The following PDE4D variants were observed in gnomAD, a reference collection of about 807,000 sequenced individuals.
PDE4D encodes phosphodiesterase 4D.
In PDE4D, 24 loss-of-function variants were observed where a neutral mutation model predicts 87.4. The observed-to-expected ratio is 0.27, with a 90% CI of 0.20 to 0.39. The LOEUF (loss-of-function observed/expected upper bound fraction) is 0.39. PDE4D is among the 10% of genes least tolerant of loss of function. The pLI is 1.00. For missense variants in PDE4D, 714 were observed against 1,041.0 expected (o/e 0.69, Z 4.32); for synonymous variants, 384 against 383.2 (o/e 1.00, Z -0.02).
intron 2 of PDE4D, among the ~76,000 whole-genome samples, chr5:60,050,216 C>T (rs1026578057): frequency 3.3e-5 from 5 of 152,186 alleles, no homozygotes; most frequent in Non-Finnish European, 7.3e-5. Flanking sequence ...CCTCACCCTG[C>T]TTCGGCTCGC....
At chr5:60,049,835 C>A (rs1332549466) in intron 2 of PDE4D, among the ~76,000 whole-genome samples, 1 of 152,176 alleles carries the variant, frequency 6.6e-6, no homozygotes, top group Non-Finnish European at 1.5e-5. Context: ...CTGTGCCCTG[C>A]CCCCAGAGGT....
chr5:60,072,060 G>A (rs1475425042), intron 2 of PDE4D, among the ~76,000 whole-genome samples: 1 of 152,128 alleles, frequency 6.6e-6, no homozygotes, highest in Non-Finnish European at 1.5e-5. Context: ...TGGGTTGAAA[G>A]GTAGTTCTGT....
At chr5:59,217,178 T>G (rs1751442807) in intron 1 of PDE4D, 5 of 455,462 alleles carry the variant, frequency 1.1e-5, no homozygotes, top group Non-Finnish European at 2.2e-5. Context: ...AGTATTAAAA[T>G]AAAGTCAACT....
intron 3 of PDE4D, among the ~76,000 whole-genome samples, chr5:59,936,722 A>G (rs567936178): frequency 1.3e-5 from 2 of 152,342 alleles, no homozygotes; most frequent in East Asian, 1.9e-4. Flanking sequence ...TAAATAAATC[A>G]TGTTTAAGGG....
intron 1 of PDE4D, among the ~76,000 whole-genome samples, chr5:59,699,453 A>G (rs1270152388): frequency 6.6e-6 from 1 of 152,196 alleles, no homozygotes; most frequent in Non-Finnish European, 1.5e-5. Flanking sequence ...TTTAAATTAT[A>G]GAATCAGCTT....
At chr5:59,996,221 G>T (rs1763515122) in intron 2 of PDE4D, among the ~76,000 whole-genome samples, 1 of 152,186 alleles carries the variant, frequency 6.6e-6, no homozygotes, top group African/African-American at 2.4e-5. Context: ...GCATTGTAAA[G>T]GTCAGCATGT....
chr5:59,900,071 C>T (rs1313240861), intron 3 of PDE4D, among the ~76,000 whole-genome samples: 2 of 151,934 alleles, frequency 1.3e-5, no homozygotes, highest in Admixed American at 1.3e-4. Flanking sequence ...GAAACCCTGT[C>T]TCTACTAAAA....
chr5:59,724,476 A>T (rs1259194178), intron 1 of PDE4D, among the ~76,000 whole-genome samples: 3 of 152,068 alleles, frequency 2.0e-5, no homozygotes, highest in African/African-American at 7.2e-5. Flanking sequence ...GGCATAGCAC[A>T]TGATAGGTAG....
chr5:59,663,474 G>C (rs925956970), intron 1 of PDE4D, among the ~76,000 whole-genome samples: 1 of 151,956 alleles, frequency 6.6e-6, no homozygotes, highest in African/African-American at 2.4e-5. Context: ...CCCAGCCTCT[G>C]TTGATATTTT....
chr5:59,174,010 C>T (rs1323935249), intron 5 of PDE4D, among the ~76,000 whole-genome samples: 1 of 152,142 alleles, frequency 6.6e-6, no homozygotes, highest in Non-Finnish European at 1.5e-5. Flanking sequence ...AGCCAGCATC[C>T]TTATTGTCAC....
chr5:59,548,131 T>C (rs1817575134), intron 1 of PDE4D, among the ~76,000 whole-genome samples: 1 of 152,176 alleles, frequency 6.6e-6, no homozygotes, highest in Admixed American at 6.6e-5. Context: ...AGCTGTATCC[T>C]TTGAATTTTT....
At chr5:60,407,081 T>A (rs895252709) in intron 1 of PDE4D, among the ~76,000 whole-genome samples, 1 of 152,072 alleles carries the variant, frequency 6.6e-6, no homozygotes. Flanking sequence ...CCAAGCAAGA[T>A]GAGCTGGAGG....
chr5:60,295,168 T>G (rs1753265201), intron 1 of PDE4D, among the ~76,000 whole-genome samples: 1 of 152,216 alleles, frequency 6.6e-6, no homozygotes, highest in East Asian at 1.9e-4. Context: ...GTCCATTGTA[T>G]TTATAAACAT....
intron 1 of PDE4D, among the ~76,000 whole-genome samples, chr5:60,205,834 C>T (rs1457275826): frequency 3.9e-5 from 6 of 152,010 alleles, no homozygotes; most frequent in South Asian, 2.1e-4. Context: ...TTGCAGTGAG[C>T]GGAGATCACC....
chr5:60,091,944 G>A (rs1463903133), intron 2 of PDE4D, among the ~76,000 whole-genome samples: 5 of 150,632 alleles, frequency 3.3e-5, no homozygotes, highest in African/African-American at 7.3e-5. Context: ...CCAGCTACTC[G>A]GGAGGCTGAG....
At chr5:59,645,290 C>T (rs1299786717) in intron 1 of PDE4D, among the ~76,000 whole-genome samples, 1 of 152,170 alleles carries the variant, frequency 6.6e-6, no homozygotes, top group Non-Finnish European at 1.5e-5. Context: ...CAAGCTCCTT[C>T]CTAAGGCACT....
chr5:60,502,465 AGGATTGACTTG>A (rs2150247278), intron 1 of PDE4D, among the ~76,000 whole-genome samples: 1 of 152,306 alleles, frequency 6.6e-6, no homozygotes, highest in African/African-American at 2.4e-5. Context: ...CTTTTGGCTT[AGGATTGACTTG>A]GCAATGCGGG....
intron 1 of PDE4D, chr5:60,460,052 T>C: frequency 6.5e-7 from 1 of 1,546,806 alleles, no homozygotes; most frequent in Non-Finnish European, 8.9e-7. Flanking sequence ...ATATCATCTT[T>C]GGTGACCTCT....
chr5:59,929,958 C>T (rs1297327697), intron 3 of PDE4D, among the ~76,000 whole-genome samples: 1 of 152,036 alleles, frequency 6.6e-6, no homozygotes, highest in Non-Finnish European at 1.5e-5. Context: ...AATCTTCATG[C>T]CTAGAGCATC....
Sources: gnomAD v4.1 joint callset for allele counts (sites outside exome capture counted in the v4.1 genomes callset) on GRCh38, gnomAD v4.1.1 for gene constraint, MANE v1.5 for transcripts, NCBI Gene and HGNC (gene_info 2026-07-23, HGNC 2026-07-21) for gene names.